The following FAXC variants were observed in gnomAD, a reference collection of about 807,000 sequenced individuals.
FAXC encodes failed axon connections homolog, metaxin like GST domain containing.
FAXC carries 10 observed loss-of-function variants against 41.9 expected under a neutral mutation model. The observed-to-expected ratio is 0.24, with a 90% CI of 0.15 to 0.41. The LOEUF (loss-of-function observed/expected upper bound fraction) is 0.41. Ranked by LOEUF, FAXC falls within the 10% of genes least tolerant of loss-of-function variation. The probability of loss-of-function intolerance (pLI) is 1.00; values close to 1 mark genes in which losing one functional copy is unlikely to be tolerated. For synonymous variants in FAXC, 183 were observed against 183.8 expected (o/e 1.00, Z 0.03); for missense variants, 399 against 510.9 (o/e 0.78, Z 2.11).
chr6:99,341,439 A>G (rs1046152106), intron 2 of FAXC, among the ~76,000 whole-genome samples: 3 of 152,140 alleles, frequency 2.0e-5, no homozygotes, highest in African/African-American at 7.2e-5. Flanking sequence ...ATATGAACCA[A>G]AAGAAGGCTG....
chr6:99,285,959 G>T (rs1489278246), intron 5 of FAXC, among the ~76,000 whole-genome samples: 1 of 152,178 alleles, frequency 6.6e-6, no homozygotes, highest in African/African-American at 2.4e-5. Flanking sequence ...TCTCCCAGCT[G>T]CCAATCATAC....
At chr6:99,290,679 G>A (rs1771206760) in intron 5 of FAXC, among the ~76,000 whole-genome samples, 1 of 151,128 alleles carries the variant, frequency 6.6e-6, no homozygotes, top group Non-Finnish European at 1.5e-5. Context: ...TCCAGCCTGG[G>A]TGACAGAGCA....
chr6:99,349,483 G>A lies in FAXC; in HGVS notation c.-111C>T, dbSNP rs924118004. On this transcript the variant is annotated 5_prime_UTR_variant, in exon 1 of 6. Coordinates refer to ENST00000389677, the MANE Select transcript of FAXC (RefSeq NM_032511.4). ...GGCGCGCGGAGGGCGCGGGCGGCGC[G>A]GGCGGCGGCGACTGAGGAGGCGGCG... The A allele has an allele frequency of 2.4e-6, 2 of 821,522 alleles. No individual in the cohort carries two copies. Among genetic ancestry groups the A allele is most frequent in the South Asian group, 1.1e-4 (2 of 18,604 alleles). The allele number at this position is 821,522 out of a possible 1,614,324, so 50.9% of individuals were successfully genotyped here. A position where few individuals can be genotyped will look rare whatever the true frequency, so the allele number is the denominator to read the frequency against.
At chr6:99,337,924 T>C (rs988656630) in intron 2 of FAXC, among the ~76,000 whole-genome samples, 1 of 152,180 alleles carries the variant, frequency 6.6e-6, no homozygotes. Flanking sequence ...ATTTTAATCT[T>C]TTTAAAATGG....
rs1437752843 is a variant in FAXC at position 99,278,698 on chromosome 6, A to G, written c.*2466T>C. On this transcript the variant is annotated 3_prime_UTR_variant, in exon 6 of 6. Coordinates refer to ENST00000389677, the MANE Select transcript of FAXC (RefSeq NM_032511.4). ...GGCATATTCTAGGGCTCTAAATCAA[A>G]TTAACACCTACAAAATGTTGATGCC... 1 of 152,192 alleles carries G rather than the reference A, an allele frequency of 6.6e-6. No homozygotes were observed. Among genetic ancestry groups the G allele is most frequent in the African/African-American group, 2.4e-5 (1 of 41,462 alleles). The allele number at this position is 152,192 out of a possible 1,614,324, so 9.4% of individuals were successfully genotyped here. A position where few individuals can be genotyped will look rare whatever the true frequency, so the allele number is the denominator to read the frequency against.
chr6:99,290,752 C>G (rs1771209603), intron 5 of FAXC, among the ~76,000 whole-genome samples: 1 of 151,328 alleles, frequency 6.6e-6, no homozygotes, highest in African/African-American at 2.4e-5. Context: ...ACTAGACTCA[C>G]AAAGTATTTG....
rs1044740334 is a variant in FAXC at position 99,282,022 on chromosome 6, GGTGA to G, written c.941-573_941-570del. Among the ~76,000 whole-genome samples, 106 of 152,144 alleles carry G rather than the reference GGTGA, an allele frequency of 7.0e-4. 1 individual carries two copies. The highest frequency in any genetic ancestry group is 2.6e-4 in the Admixed American group (4 of 15,270). On this transcript the variant is annotated intron_variant, in intron 5 of 5. Coordinates refer to ENST00000389677, the MANE Select transcript of FAXC (RefSeq NM_032511.4). ...AGGTTTTTATGCACATAATAAAAAC[GGTGA>G]GTGAGAAAAGTTACATTCAGTGAGT...
chr6:99,272,001 G>T lies in FAXC; in HGVS notation c.*9163C>A, dbSNP rs1375123164. On this transcript the variant is annotated 3_prime_UTR_variant, in exon 6 of 6. Transcript: ENST00000389677. Reference sequence around the variant, plus strand: ...GTAAGATTTGAATTTCCAAAATCTTGCTGTGAATCTCTGACCCTAAAGACT... The same window carrying T: ...GTAAGATTTGAATTTCCAAAATCTTTCTGTGAATCTCTGACCCTAAAGACT... The T allele has an allele frequency of 1.3e-5, 2 of 152,092 alleles. No individual in the cohort carries two copies. The highest frequency in any genetic ancestry group is 6.5e-5 in the Admixed American group (1 of 15,274). 9.4% of individuals were successfully genotyped at this position (152,092 alleles called of 1,614,324 possible). A position where few individuals can be genotyped will look rare whatever the true frequency, so the allele number is the denominator to read the frequency against.
intron 4 of FAXC, among the ~76,000 whole-genome samples, chr6:99,311,726 G>T (rs1316241690): frequency 6.6e-6 from 1 of 152,164 alleles, no homozygotes; most frequent in African/African-American, 2.4e-5. Context: ...CTCATCTGGA[G>T]AATAGCAGCT....
At chr6:99,294,840 T>C in intron 4 of FAXC, among the ~76,000 whole-genome samples, 1 of 150,760 alleles carries the variant, frequency 6.6e-6, no homozygotes, top group African/African-American at 2.4e-5. Context: ...AAAAATCATT[T>C]GAACCCACAC....
intron 4 of FAXC, among the ~76,000 whole-genome samples, chr6:99,295,247 T>G (rs1352269389): frequency 6.6e-6 from 1 of 152,230 alleles, no homozygotes; most frequent in Admixed American, 6.5e-5. Flanking sequence ...CAGTTATGAA[T>G]GTAAAGAATA....
chr6:99,284,590 T>TGG (rs1770951197), intron 5 of FAXC, among the ~76,000 whole-genome samples: 2 of 139,966 alleles, frequency 1.4e-5, no homozygotes, highest in Admixed American at 7.2e-5. Context: ...TGTGTGTGTG[T>TGG]GTGTGTGTGA....
Position 99,291,838 on chromosome 6 carries a change from G to A in FAXC, c.824-18C>T. On this transcript the variant is annotated intron_variant, in intron 4 of 5. Coordinates refer to ENST00000389677, the MANE Select transcript of FAXC (RefSeq NM_032511.4). The stretch of plus-strand genomic sequence containing the variant: ...CTTATCACCTGCAGTAAATAAAGCA[G>A]AGAAGTCAATGGGCTGGCCCACACT... The A allele has an allele frequency of 6.3e-7, 1 of 1,590,330 alleles. No individual in the cohort carries two copies. The highest frequency in any genetic ancestry group is 8.6e-7 in the Non-Finnish European group (1 of 1,158,288).
At chr6:99,308,159 T>G (rs1016239286) in intron 4 of FAXC, among the ~76,000 whole-genome samples, 1 of 152,226 alleles carries the variant, frequency 6.6e-6, no homozygotes, top group African/African-American at 2.4e-5. Context: ...TACCCAGGCA[T>G]GGTGGCAGGT....
intron 3 of FAXC, among the ~76,000 whole-genome samples, chr6:99,325,604 G>T (rs979615884): frequency 6.6e-6 from 1 of 152,158 alleles, no homozygotes; most frequent in Non-Finnish European, 1.5e-5. Flanking sequence ...ATTCTATATA[G>T]ACATGGAAAC....
chr6:99,284,734 G>A (rs1770961682), intron 5 of FAXC, among the ~76,000 whole-genome samples: 1 of 152,016 alleles, frequency 6.6e-6, no homozygotes, highest in Non-Finnish European at 1.5e-5. Flanking sequence ...CCAACATGGC[G>A]AAACCCCATC....
At chr6:99,341,396 G>C (rs919103937) in intron 2 of FAXC, among the ~76,000 whole-genome samples, 2 of 152,020 alleles carry the variant, frequency 1.3e-5, no homozygotes, top group Non-Finnish European at 2.9e-5. Context: ...GCGAGAAAAA[G>C]AGAGAGAGAA....
At chr6:99,302,775 G>A (rs529289699) in intron 4 of FAXC, among the ~76,000 whole-genome samples, 57 of 152,214 alleles carry the variant, frequency 3.7e-4, no homozygotes, top group South Asian at 2.5e-3. Context: ...CATTTTGGGG[G>A]CTGCCTACCA....
chr6:99,336,747 A>G (rs963827181), intron 2 of FAXC, among the ~76,000 whole-genome samples: 4 of 152,096 alleles, frequency 2.6e-5, no homozygotes, highest in African/African-American at 9.7e-5. Flanking sequence ...TCATCTGTAG[A>G]GTGGGGATAA....
Sources: gnomAD v4.1 joint callset for allele counts (sites outside exome capture counted in the v4.1 genomes callset) on GRCh38, gnomAD v4.1.1 for gene constraint, MANE v1.5 for transcripts, NCBI Gene and HGNC (gene_info 2026-07-23, HGNC 2026-07-21) for gene names.